Variants in UMODL1 observed in about 807,000 individuals in gnomAD.
UMODL1 encodes uromodulin like 1, also known as uromodulin-like 1.
A neutral mutation model predicts 136.3 loss-of-function variants in UMODL1; 128 were observed. That is an observed-to-expected ratio of 0.94 (90% CI 0.81 to 1.09). UMODL1 has a LOEUF of 1.09. Among genes scored for constraint, UMODL1 ranks in the 50% least tolerant of loss-of-function variants. UMODL1 has a pLI of 0.00. For missense variants in UMODL1, 1,766 were observed against 1,725.6 expected, an observed-to-expected ratio of 1.02 and a Z score of -0.41; for synonymous variants, 721 against 720.0, an observed-to-expected ratio of 1.00 and a Z score of -0.02.
intron 6 of UMODL1, 31 bp from the exon 7 acceptor site, chr21:42,098,895 T>C (rs376045545): frequency 2.2e-5 from 35 of 1,610,448 alleles, no homozygotes; most frequent in Non-Finnish European, 3.0e-5. Flanking sequence ...CACTGACCCT[T>C]TGCTCATCTT....
chr21:42,094,458 C>T (rs1292067482), intron 6 of UMODL1, among the ~76,000 whole-genome samples: 7 of 152,158 alleles, frequency 4.6e-5, no homozygotes, highest in African/African-American at 1.7e-4. Context: ...TTGGGGAGGG[C>T]TGTGGAGCAA....
chr21:42,124,913 C>T (rs777777601), intron 17 of UMODL1, among the ~76,000 whole-genome samples: 2 of 152,170 alleles, frequency 1.3e-5, no homozygotes. Flanking sequence ...TCATCATCCA[C>T]GCTCTGCGGC....
In UMODL1 at chr21:42,109,146, G is replaced by C. The variant is rs975374654; in HGVS notation, c.1520-416G>C. ...TGGACCCCCACCCCCCATGCGGAAAGTTCACGTTATACTCAGCTGTGTCCC... is the reference window on the plus strand; with the variant it reads ...TGGACCCCCACCCCCCATGCGGAAACTTCACGTTATACTCAGCTGTGTCCC... On this transcript the variant is annotated intron_variant, in intron 9 of 22. Transcript: ENST00000408910. Among the ~76,000 whole-genome samples, 35 of 148,874 alleles carry C rather than the reference G, an allele frequency of 2.4e-4. 2 individuals carry two copies. Among genetic ancestry groups the C allele is most frequent in the African/African-American group, 6.5e-4 (26 of 40,160 alleles).
At chr21:42,093,445 C>T (rs543249125) in intron 6 of UMODL1, 27 of 157,752 alleles carry the variant, frequency 1.7e-4, no homozygotes, top group Non-Finnish European at 3.6e-4. Context: ...TCTCAAGCTC[C>T]CAGCCTCAAG....
At chr21:42,077,007 GTGTGTGT>G (rs2066300918) in intron 2 of UMODL1, among the ~76,000 whole-genome samples, 3 of 9,330 alleles carry the variant, frequency 3.2e-4, no homozygotes, top group Non-Finnish European at 6.5e-4. Flanking sequence ...GGAGGGGTGT[GTGTGTGT>G]GTGTGTGTGT....
At chr21:42,076,493 CGCT>C (rs2066293307) in intron 2 of UMODL1, among the ~76,000 whole-genome samples, 1 of 152,148 alleles carries the variant, frequency 6.6e-6, no homozygotes, top group Non-Finnish European at 1.5e-5. Context: ...GTGACGCTGA[CGCT>C]GCTGGCCCAG....
chr21:42,138,446 G>A (rs2067237765), intron 22 of UMODL1, among the ~76,000 whole-genome samples: 1 of 152,184 alleles, frequency 6.6e-6, no homozygotes, highest in Admixed American at 6.5e-5. Flanking sequence ...GATCTGCCCT[G>A]TGGACTTTTG....
chr21:42,096,511 G>A (rs1250967779), intron 6 of UMODL1, among the ~76,000 whole-genome samples: 6 of 152,294 alleles, frequency 3.9e-5, no homozygotes, highest in South Asian at 2.1e-4. Flanking sequence ...ATTCCTCTGC[G>A]TTCTTTTCAA....
At chr21:42,106,323 C>T (rs2066717469) in intron 9 of UMODL1, among the ~76,000 whole-genome samples, 1 of 152,142 alleles carries the variant, frequency 6.6e-6, no homozygotes, top group Non-Finnish European at 1.5e-5. Context: ...TTTGATATTA[C>T]TCGGCAAAAA....
At chr21:42,080,164 G>T (rs183422832) in intron 2 of UMODL1, among the ~76,000 whole-genome samples, 1 of 152,214 alleles carries the variant, frequency 6.6e-6, no homozygotes, top group African/African-American at 2.4e-5. Context: ...GATCAAAGCC[G>T]CCTTTTTCTG....
chr21:42,128,560 C>A (rs2067093162), intron 20 of UMODL1, among the ~76,000 whole-genome samples: 1 of 152,216 alleles, frequency 6.6e-6, no homozygotes, highest in Non-Finnish European at 1.5e-5. Flanking sequence ...AGAGAAGCAA[C>A]ACAAGGAAGG....
chr21:42,065,144 G>A (rs1198109503), intron 1 of UMODL1, among the ~76,000 whole-genome samples: 1 of 152,172 alleles, frequency 6.6e-6, no homozygotes, highest in Non-Finnish European at 1.5e-5. Flanking sequence ...TTGGGACATT[G>A]GTGTTTTCCA....
intron 1 of UMODL1, among the ~76,000 whole-genome samples, chr21:42,065,008 G>A (rs1359415269): frequency 6.6e-6 from 1 of 152,150 alleles, no homozygotes; most frequent in Admixed American, 6.5e-5. Flanking sequence ...AAATCCTTGC[G>A]GCTGGGGGAA....
chr21:42,106,509 G>C (rs181968981), intron 9 of UMODL1, among the ~76,000 whole-genome samples: 1 of 152,190 alleles, frequency 6.6e-6, no homozygotes, highest in African/African-American at 2.4e-5. Context: ...CTGTTCGCCC[G>C]TGGAGGGGTC....
rs954324943 is a variant in UMODL1 at position 42,122,247 on chromosome 21, G to A, written c.2828-584G>A. ...TCTGCTTCCATATAGACCACCCCGA[G>A]AACAGGTGGGTGGATTGGAAAGCTT... On this transcript the variant is annotated intron_variant, in intron 16 of 22. Transcript: ENST00000408910. The surrounding 1 kb of genome is among the most constrained non-coding windows in gnomAD (Gnocchi z 4.3). 3.9e-5 allele frequency among the ~76,000 whole-genome samples: 6 copies of A among 152,180 alleles called. No individual in the cohort carries two copies. Among genetic ancestry groups the A allele is most frequent in the Non-Finnish European group, 7.3e-5 (5 of 68,034 alleles).
At chr21:42,083,502 T>C (rs1185496264) in intron 2 of UMODL1, among the ~76,000 whole-genome samples, 7 of 152,216 alleles carry the variant, frequency 4.6e-5, no homozygotes, top group Non-Finnish European at 8.8e-5. Flanking sequence ...CCAGGGCTGA[T>C]GTCTGCAGAG....
At chr21:42,111,746 A>T in intron 12 of UMODL1, 36 bp downstream of exon 12, 1 of 1,554,744 alleles carries the variant, frequency 6.4e-7, no homozygotes, top group South Asian at 1.2e-5. Flanking sequence ...GACTAGGACT[A>T]ATAGGACCCA....
intron 6 of UMODL1, among the ~76,000 whole-genome samples, chr21:42,092,119 G>C (rs1041184712): frequency 6.6e-6 from 1 of 152,220 alleles, no homozygotes; most frequent in South Asian, 2.1e-4. Flanking sequence ...TGGGAACTAC[G>C]GGGATCCGGT....
chr21:42,083,942 C>T, intron 2 of UMODL1, 142 bp from the exon 3 acceptor site: 1 of 1,023,426 alleles, frequency 9.8e-7, no homozygotes, highest in Admixed American at 2.3e-5. Context: ...GGGTGTCTGC[C>T]CAGGCATGGG....
Sources: allele counts gnomAD v4.1 joint callset (sites outside exome capture counted in the v4.1 genomes callset), GRCh38; gene constraint gnomAD v4.1.1; non-coding constraint Gnocchi (gnomAD v3.1); transcripts MANE v1.5; gene names NCBI Gene and HGNC (gene_info 2026-07-23, HGNC 2026-07-21).